Variants in SUPT3H observed in about 807,000 individuals in gnomAD.
The protein encoded by SUPT3H is transcription initiation protein SPT3 homolog.
Under a neutral mutation model 44.3 loss-of-function variants are expected in SUPT3H, and 44 were observed. The ratio of observed to expected loss-of-function variants is 0.99; its 90% CI spans 0.78 to 1.28. The LOEUF (loss-of-function observed/expected upper bound fraction) is 1.28, where lower values mean the gene tolerates loss of function less well. Ranked by LOEUF, SUPT3H falls within the 50% of genes most tolerant of loss-of-function variation. The probability of loss-of-function intolerance (pLI) is 0.00; values close to 1 mark genes in which losing one functional copy is unlikely to be tolerated. For synonymous variants in SUPT3H, 124 were observed against 125.6 expected (o/e 0.99, Z 0.09); for missense variants, 380 against 387.1 (o/e 0.98, Z 0.15).
chr6:45,276,722 TGA>T (rs1282165560), intron 2 of SUPT3H, among the ~76,000 whole-genome samples: 8 of 152,212 alleles, frequency 5.3e-5, no homozygotes, highest in African/African-American at 1.7e-4. Flanking sequence ...TGCTACTTGA[TGA>T]GAGAGTAAAA....
At chr6:45,168,433 T>A (rs1388652971) in intron 2 of SUPT3H, among the ~76,000 whole-genome samples, 1 of 152,144 alleles carries the variant, frequency 6.6e-6, no homozygotes, top group East Asian at 1.9e-4. Context: ...TTGGCACTCA[T>A]GTCTCCCCAA....
intron 3 of SUPT3H, among the ~76,000 whole-genome samples, chr6:45,022,782 C>T (rs1195397079): frequency 6.6e-6 from 1 of 152,016 alleles, no homozygotes; most frequent in Non-Finnish European, 1.5e-5. Flanking sequence ...TAAAGTAACT[C>T]ATACAAAAGT....
intron 2 of SUPT3H, among the ~76,000 whole-genome samples, chr6:45,193,108 C>A (rs1815408238): frequency 6.6e-6 from 1 of 151,962 alleles, no homozygotes; most frequent in African/African-American, 2.4e-5. Context: ...CGTTAAGGGA[C>A]CATGACCACC....
At chr6:45,143,801 A>C (rs1583810032) in intron 2 of SUPT3H, among the ~76,000 whole-genome samples, 1 of 152,134 alleles carries the variant, frequency 6.6e-6, no homozygotes, top group African/African-American at 2.4e-5. Flanking sequence ...CACCAGTAAA[A>C]GATTAACCAA....
In SUPT3H at chr6:45,018,133, G is replaced by T. The variant is rs555250843; in HGVS notation, c.273+2413C>A. 1.8e-3 allele frequency among the ~76,000 whole-genome samples: 280 copies of T among 151,528 alleles called. 8 individuals carry two copies. The East Asian group carries it at 0.047, about 26-fold the overall frequency. ...ATTGTGAATGGGAGTTCACTCATGA[G>T]TTGGCTCTCTGTTTGTCTGTTATTG... On this transcript the variant is annotated intron_variant, in intron 4 of 10. Transcript: ENST00000371459.
intron 2 of SUPT3H, among the ~76,000 whole-genome samples, chr6:45,295,782 C>T (rs890075329): frequency 6.6e-6 from 1 of 151,682 alleles, no homozygotes; most frequent in Admixed American, 6.6e-5. Context: ...TGATCAATAC[C>T]ACCAAATCCT....
At chr6:45,088,497 T>C (rs1208675775) in intron 3 of SUPT3H, among the ~76,000 whole-genome samples, 1 of 152,046 alleles carries the variant, frequency 6.6e-6, no homozygotes, top group Non-Finnish European at 1.5e-5. Flanking sequence ...ATGCCTATGA[T>C]GTAGGTAAAT....
intron 10 of SUPT3H, chr6:44,898,805 T>C (rs1366374981): frequency 1.3e-5 from 2 of 152,294 alleles, no homozygotes; most frequent in East Asian, 3.9e-4. Context: ...AGTCGCTGCT[T>C]CAACAGGGTA....
intron 10 of SUPT3H, among the ~76,000 whole-genome samples, chr6:44,846,157 G>C (rs943160686): frequency 6.6e-6 from 1 of 152,144 alleles, no homozygotes; most frequent in African/African-American, 2.4e-5. Context: ...CCTGTGAGGG[G>C]GAGAAGGGAA....
At chr6:45,121,657 T>A (rs1801686100) in intron 2 of SUPT3H, among the ~76,000 whole-genome samples, 1 of 151,882 alleles carries the variant, frequency 6.6e-6, no homozygotes, top group Non-Finnish European at 1.5e-5. Context: ...TACTTATAGA[T>A]TTTTTTTGGG....
intron 2 of SUPT3H, among the ~76,000 whole-genome samples, chr6:45,255,588 T>A (rs920087091): frequency 5.3e-5 from 8 of 151,778 alleles, no homozygotes; most frequent in African/African-American, 1.7e-4. Flanking sequence ...TGCCCAGCAA[T>A]GTTTTTTTAA....
At chr6:45,172,747 G>A (rs181749086) in intron 2 of SUPT3H, among the ~76,000 whole-genome samples, 178 of 151,598 alleles carry the variant, frequency 1.2e-3, no homozygotes, top group African/African-American at 4.0e-3. Context: ...GCGCACCACC[G>A]TGCCCAGCTA....
intron 2 of SUPT3H, among the ~76,000 whole-genome samples, chr6:45,281,431 AC>A (rs1778047571): frequency 6.6e-6 from 1 of 152,234 alleles, no homozygotes; most frequent in South Asian, 2.1e-4. Context: ...CAAATGGCAC[AC>A]CAGGAGATTA....
intron 2 of SUPT3H, among the ~76,000 whole-genome samples, chr6:45,360,967 A>G (rs1794148321): frequency 6.6e-6 from 1 of 152,132 alleles, no homozygotes; most frequent in South Asian, 2.1e-4. Flanking sequence ...CTGCCATATA[A>G]TAAGGACTCA....
At chr6:44,843,216 A>T (rs1042195509) in intron 10 of SUPT3H, among the ~76,000 whole-genome samples, 1 of 152,216 alleles carries the variant, frequency 6.6e-6, no homozygotes, top group Non-Finnish European at 1.5e-5. Context: ...TTGTGTATAC[A>T]TACACAAAAA....
At chr6:44,942,970 G>A (rs1772703781) in intron 9 of SUPT3H, among the ~76,000 whole-genome samples, 1 of 152,026 alleles carries the variant, frequency 6.6e-6, no homozygotes, top group African/African-American at 2.4e-5. Flanking sequence ...TGCCTATGAT[G>A]TATTACTCAC....
At chr6:45,300,286 A>G (rs1781942906) in intron 2 of SUPT3H, among the ~76,000 whole-genome samples, 1 of 152,230 alleles carries the variant, frequency 6.6e-6, no homozygotes, top group Non-Finnish European at 1.5e-5. Flanking sequence ...AGGCATCTAT[A>G]CAGTGCTTTG....
At chr6:45,210,881 T>C (rs1420792530) in intron 2 of SUPT3H, among the ~76,000 whole-genome samples, 2 of 152,178 alleles carry the variant, frequency 1.3e-5, no homozygotes, top group African/African-American at 4.8e-5. Flanking sequence ...GCTTCCAGTC[T>C]TTCTCTTAAA....
intron 2 of SUPT3H, among the ~76,000 whole-genome samples, chr6:45,251,391 A>G (rs1271044100): frequency 2.4e-5 from 3 of 125,760 alleles, no homozygotes; most frequent in South Asian, 5.7e-4. Flanking sequence ...TAAGAAGAGA[A>G]GCTGCACACA....
Sources: allele counts gnomAD v4.1 joint callset (sites outside exome capture counted in the v4.1 genomes callset), GRCh38; gene constraint gnomAD v4.1.1; transcripts MANE v1.5; gene names NCBI Gene and HGNC (gene_info 2026-07-23, HGNC 2026-07-21).